SAXO1: variants seen among roughly 807,000 people sequenced by gnomAD.
SAXO1 encodes the protein 4930500O09Rik.
A neutral mutation model predicts 17.5 loss-of-function variants in SAXO1; 21 were observed. That is an observed-to-expected ratio of 1.20 (90% confidence interval 0.85 to 1.72). SAXO1 has a LOEUF of 1.72. Among genes scored for constraint, SAXO1 ranks in the 40% most tolerant of loss-of-function variants. The probability of loss-of-function intolerance (pLI) is 0.00; values close to 1 mark genes in which losing one functional copy is unlikely to be tolerated. For synonymous variants in SAXO1, 274 were observed against 216.5 expected (o/e 1.27, Z -2.33); for missense variants, 843 against 596.0 (o/e 1.41, Z -4.32).
chr9:19,045,965 T>C (rs1836203921), intron 1 of SAXO1, among the ~76,000 whole-genome samples: 1 of 151,322 alleles, frequency 6.6e-6, no homozygotes, highest in Non-Finnish European at 1.5e-5. Context: ...CGCATGCCTG[T>C]AATCCCAGCT....
At chr9:18,940,811 A>G (rs550815500) in intron 3 of SAXO1, among the ~76,000 whole-genome samples, 1 of 152,344 alleles carries the variant, frequency 6.6e-6, no homozygotes, top group South Asian at 2.1e-4. Context: ...AGGGCAGGCC[A>G]TTATGCTTCC....
chr9:19,006,789 T>C (rs951344934), intron 1 of SAXO1, among the ~76,000 whole-genome samples: 1 of 152,232 alleles, frequency 6.6e-6, no homozygotes, highest in Non-Finnish European at 1.5e-5. Flanking sequence ...CTCATGCCTA[T>C]AATCCTAGCC....
rs958503146 is a variant in SAXO1, at chr9:19,032,965, C to T, written c.-57G>A. On this transcript the variant is annotated 5_prime_UTR_variant, in exon 1 of 4. Coordinates refer to ENST00000380534, the MANE Select transcript of SAXO1 (RefSeq NM_153707.4). Reference sequence around the variant, plus strand: ...AGAGCATCGCCAGCTGCAGCCGACTCCTAGACCCCAACCACCTGTCTTGGG... The same window carrying T: ...AGAGCATCGCCAGCTGCAGCCGACTTCTAGACCCCAACCACCTGTCTTGGG... The T allele has an allele frequency of 3.1e-5, 48 of 1,562,106 alleles. No individual in the cohort carries two copies. The highest frequency in any genetic ancestry group is 4.1e-5 in the Non-Finnish European group (47 of 1,154,322).
At chr9:18,938,324 G>A (rs988302476) in intron 3 of SAXO1, among the ~76,000 whole-genome samples, 5 of 152,178 alleles carry the variant, frequency 3.3e-5, no homozygotes, top group African/African-American at 1.2e-4. Flanking sequence ...ATTGGCTCAT[G>A]GTTCTGCAGG....
At chr9:18,981,918 G>A (rs1833402982) in intron 1 of SAXO1, among the ~76,000 whole-genome samples, 1 of 152,204 alleles carries the variant, frequency 6.6e-6, no homozygotes, top group South Asian at 2.1e-4. Flanking sequence ...CAAGTTTAAA[G>A]GCATTTGGCT....
At chr9:18,998,677 T>G (rs1261171552) in intron 1 of SAXO1, among the ~76,000 whole-genome samples, 3 of 151,924 alleles carry the variant, frequency 2.0e-5, no homozygotes, top group Non-Finnish European at 4.4e-5. Context: ...TTCACCAAGG[T>G]TGAAATGAAG....
intron 1 of SAXO1, among the ~76,000 whole-genome samples, chr9:19,043,075 G>C (rs527754374): frequency 6.6e-5 from 10 of 152,108 alleles, no homozygotes; most frequent in Admixed American, 1.3e-4. Flanking sequence ...AGGAGGCTGA[G>C]GTGGGAGGAT....
intron 1 of SAXO1, among the ~76,000 whole-genome samples, chr9:18,975,697 A>G (rs1233141318): frequency 6.6e-6 from 1 of 152,240 alleles, no homozygotes; most frequent in African/African-American, 2.4e-5. Flanking sequence ...TATGTAAATG[A>G]GACCATACAA....
chr9:19,048,812 G>A (rs1389497816), intron 1 of SAXO1, among the ~76,000 whole-genome samples: 1 of 152,238 alleles, frequency 6.6e-6, no homozygotes, highest in Non-Finnish European at 1.5e-5. Context: ...ATTTCCTCGA[G>A]CTTTGGAATT....
chr9:18,950,839 G>C lies in SAXO1; in HGVS notation c.137C>G (p.Ser46Cys). 1 of 1,613,830 alleles carries C rather than the reference G, an allele frequency of 6.2e-7. No individual in the cohort carries two copies. Among genetic ancestry groups the C allele is most frequent in the Non-Finnish European group, 8.5e-7 (1 of 1,179,780 alleles). Residue 46 changes from serine to cysteine, a missense_variant, in exon 2 of 4, where the codon TCC becomes TGC. Physicochemically the swap from Ser to Cys is moderately radical, Grantham distance 112. Transcript: ENST00000380534. ...EYTENYPFYH[S>C]YLPRESFKPR... is the part of the protein sequence containing the mutation. ...CTTGAAGGACTCTCTGGGCAGGTAG[G>C]AGTGATAGAAAGGGTAGTTCTCGGT...
rs1432610454 is a variant in SAXO1, at chr9:19,032,949, C to G, written c.-41G>C. 1.3e-6 allele frequency: 2 copies of G among 1,586,388 alleles called. No homozygotes were observed. Among genetic ancestry groups the G allele is most frequent in the South Asian group, 1.1e-5 (1 of 87,500 alleles). ...GCCCTGACGTCCCCTCAGAGCATCG[C>G]CAGCTGCAGCCGACTCCTAGACCCC... On this transcript the variant is annotated 5_prime_UTR_variant, in exon 1 of 4. Transcript: ENST00000380534.
chr9:18,944,518 T>G (rs981669015), intron 2 of SAXO1, among the ~76,000 whole-genome samples: 1 of 152,222 alleles, frequency 6.6e-6, no homozygotes, highest in Non-Finnish European at 1.5e-5. Flanking sequence ...CCCCTCTCTT[T>G]CTGTGGTACA....
chr9:18,946,102 C>A (rs1475869070), intron 2 of SAXO1, among the ~76,000 whole-genome samples: 3 of 151,988 alleles, frequency 2.0e-5, no homozygotes, highest in South Asian at 2.1e-4. Flanking sequence ...CATGGAGAAA[C>A]CCCATCTCTA....
chr9:18,979,553 G>A (rs1451022462), intron 1 of SAXO1, among the ~76,000 whole-genome samples: 3 of 152,230 alleles, frequency 2.0e-5, no homozygotes, highest in Non-Finnish European at 4.4e-5. Flanking sequence ...GGATATGCAT[G>A]AGGCTGAAAG....
At chr9:18,973,800 T>G (rs974208430) in intron 1 of SAXO1, among the ~76,000 whole-genome samples, 1 of 152,244 alleles carries the variant, frequency 6.6e-6, no homozygotes, top group Non-Finnish European at 1.5e-5. Flanking sequence ...CCTGATCACC[T>G]GATTATCCCA....
chr9:18,982,335 A>T (rs868520397), intron 1 of SAXO1, among the ~76,000 whole-genome samples: 5 of 152,204 alleles, frequency 3.3e-5, no homozygotes, highest in Admixed American at 1.3e-4. Context: ...TTCCGAGGCA[A>T]TTTTTATTGG....
intron 1 of SAXO1, among the ~76,000 whole-genome samples, chr9:18,959,084 C>A (rs1202792465): frequency 1.3e-5 from 2 of 152,070 alleles, no homozygotes; most frequent in Non-Finnish European, 2.9e-5. Flanking sequence ...TAGAAAACAG[C>A]TTTAGTAGAG....
chr9:19,001,137 A>T (rs762940057), intron 1 of SAXO1, among the ~76,000 whole-genome samples: 1 of 152,206 alleles, frequency 6.6e-6, no homozygotes, highest in Admixed American at 6.5e-5. Flanking sequence ...CAGAATATAC[A>T]TTCTTCTCAG....
chr9:19,013,025 C>T (rs1258265016), intron 1 of SAXO1, among the ~76,000 whole-genome samples: 1 of 152,170 alleles, frequency 6.6e-6, no homozygotes, highest in East Asian at 1.9e-4. Context: ...CAACCTTTCA[C>T]AACCTCCACC....
Sources: gnomAD v4.1 joint callset for allele counts (sites outside exome capture counted in the v4.1 genomes callset) on GRCh38, gnomAD v4.1.1 for gene constraint, MANE v1.5 for transcripts, NCBI Gene and HGNC (gene_info 2026-07-23, HGNC 2026-07-21) for gene names.